Variants in TGS1 observed in about 807,000 individuals in gnomAD.
TGS1 encodes trimethylguanosine synthase 1.
In TGS1, 69 loss-of-function variants were observed where a neutral mutation model predicts 92.2. The observed-to-expected ratio is 0.75, with a 90% confidence interval of 0.62 to 0.91. The LOEUF (loss-of-function observed/expected upper bound fraction) is 0.91, where lower values mean the gene tolerates loss of function less well. TGS1 is among the 40% of genes least tolerant of loss of function. The pLI is 0.00. For synonymous variants in TGS1, 345 were observed against 338.1 expected, an observed-to-expected ratio of 1.02 and a Z score of -0.22; for missense variants, 1,062 against 1,001.2, an observed-to-expected ratio of 1.06 and a Z score of -0.82.
chr8:55,808,104 A>G (rs1803228834), intron 10 of TGS1, among the ~76,000 whole-genome samples: 1 of 152,202 alleles, frequency 6.6e-6, no homozygotes, highest in African/African-American at 2.4e-5. Context: ...CATTACATAG[A>G]TTTTTAAGGT....
At chr8:55,776,549 G>A (rs570650807) in intron 1 of TGS1, among the ~76,000 whole-genome samples, 1 of 152,302 alleles carries the variant, frequency 6.6e-6, no homozygotes, top group Admixed American at 6.5e-5. Flanking sequence ...AAAGTGCTGG[G>A]ATTACAGGCG....
rs561038084 is a variant in TGS1, at chr8:55,804,877, T to C, written c.2000-16T>C. ...TTGAAATTGAACATGCTAACACAAATACTCTTCCTTTGCAGAGGGCTGGTT... is the reference window on the plus strand; with the variant it reads ...TTGAAATTGAACATGCTAACACAAACACTCTTCCTTTGCAGAGGGCTGGTT... On this transcript the variant is annotated splice_polypyrimidine_tract_variant and intron_variant, in intron 9 of 12. Transcript: ENST00000260129. The C allele has an allele frequency of 1.9e-6, 3 of 1,612,196 alleles. No homozygotes were observed. Among genetic ancestry groups the C allele is most frequent in the Admixed American group, 3.3e-5 (2 of 59,974 alleles).
At chr8:55,802,961 GTT>G (rs143199988) in intron 9 of TGS1, among the ~76,000 whole-genome samples, 1 of 148,196 alleles carries the variant, frequency 6.7e-6, no homozygotes, top group Non-Finnish European at 1.5e-5. Flanking sequence ...CCTTTATCAC[GTT>G]TTTTTTTTCC....
chr8:55,787,902 A>G (rs1811765445), intron 4 of TGS1, among the ~76,000 whole-genome samples: 1 of 150,092 alleles, frequency 6.7e-6, no homozygotes, highest in Admixed American at 6.6e-5. Flanking sequence ...AGCAAGAGAG[A>G]GGGGGGAGGT....
chr8:55,814,001 G>A (rs996104847), intron 12 of TGS1, among the ~76,000 whole-genome samples: 7 of 152,126 alleles, frequency 4.6e-5, no homozygotes, highest in African/African-American at 1.4e-4. Context: ...AGGCTGGAGT[G>A]CAATGGCCCA....
rs377763518 is a variant in TGS1, at chr8:55,789,698, A to G, written c.1163-484A>G. On this transcript the variant is annotated intron_variant, in intron 4 of 12. Transcript: ENST00000260129. Reference sequence around the variant, plus strand: ...TTCAGAGCAACTCCAGGGCTGCCACATGATTGGGATAACATTTATGGACAG... The same window carrying G: ...TTCAGAGCAACTCCAGGGCTGCCACGTGATTGGGATAACATTTATGGACAG... Among the ~76,000 whole-genome samples the G allele has an allele frequency of 4.9e-4, 75 of 152,348 alleles. No individual in the cohort carries two copies. In the South Asian group the frequency reaches 0.014, roughly 28 times the overall value.
intron 12 of TGS1, among the ~76,000 whole-genome samples, chr8:55,823,885 C>A (rs548542805): frequency 6.6e-6 from 1 of 152,006 alleles, no homozygotes; most frequent in African/African-American, 2.4e-5. Flanking sequence ...GAGGCCGGGC[C>A]GAGCGGATCA....
At chr8:55,777,905 T>A (rs199888851) in intron 1 of TGS1, among the ~76,000 whole-genome samples, 104 of 129,522 alleles carry the variant, frequency 8.0e-4, no homozygotes, top group Non-Finnish European at 1.2e-3. Context: ...AATTTAAATT[T>A]TTTTTTTTTT....
At position 55,773,468 on chromosome 8, in the gene TGS1, C is replaced by G. The variant is rs1318250526; in HGVS notation, c.-151C>G. Reference sequence around the variant, plus strand: ...GCCACTTCCGGCGGCAGCGTCCGGGCTAGTTCCCGGCGCGAGCGGCCGCGG... The same window carrying G: ...GCCACTTCCGGCGGCAGCGTCCGGGGTAGTTCCCGGCGCGAGCGGCCGCGG... On this transcript the variant is annotated 5_prime_UTR_variant, in exon 1 of 13. Coordinates refer to ENST00000260129, the MANE Select transcript of TGS1 (RefSeq NM_024831.8). The G allele has an allele frequency of 3.2e-5, 18 of 557,174 alleles. No individual in the cohort carries two copies. Among genetic ancestry groups the G allele is most frequent in the Non-Finnish European group, 5.2e-5 (17 of 326,338 alleles). The allele number at this position is 557,174 out of a possible 1,614,324, so 34.5% of individuals were successfully genotyped here. A position where few individuals can be genotyped will look rare whatever the true frequency, so the allele number is the denominator to read the frequency against.
Position 55,786,966 on chromosome 8 carries a change from G to T in TGS1, c.1068G>T (p.Glu356Asp). The T allele has an allele frequency of 6.2e-7, 1 of 1,614,134 alleles. No homozygotes were observed. Among genetic ancestry groups the T allele is most frequent in the South Asian group, 1.1e-5 (1 of 91,074 alleles). Residue 356 changes from glutamate (E) to aspartate (D), a missense_variant, in exon 4 of 13, where the codon GAG becomes GAT. By Grantham distance (45) the Glu-to-Asp change is conservative. Coordinates refer to ENST00000260129, the MANE Select transcript of TGS1 (RefSeq NM_024831.8). ...TAAGTGAAGTTAGTAGCAAAAGAGA[G>T]TGCCCTGCTTCCGGCCAAAGTGAAC... ...QQLSEVSSKR[E>D]CPASGQSEPR...
chr8:55,786,390 G>A lies in TGS1; in HGVS notation c.492G>A (p.Glu164=), dbSNP rs764805551. The part of the protein sequence containing the change: ...SDDPSSIEQY[E]NTRTYELQSK... Reference sequence around the variant, plus strand: ...ATCCATCTTCAATTGAACAGTATGAGAACACCAGAACATATGAACTTCAAA... The same window carrying A: ...ATCCATCTTCAATTGAACAGTATGAAAACACCAGAACATATGAACTTCAAA... The change falls in exon 4 of 13, where the codon GAG becomes GAA. Residue 164 remains glutamate (E), a synonymous_variant. Coordinates refer to ENST00000260129, the MANE Select transcript of TGS1 (RefSeq NM_024831.8). 3 of 1,613,508 alleles carry A rather than the reference G, an allele frequency of 1.9e-6. No homozygotes were observed. The highest frequency in any genetic ancestry group is 1.7e-5 in the Admixed American group (1 of 59,918).
At chr8:55,822,059 C>T (rs892388465) in intron 12 of TGS1, among the ~76,000 whole-genome samples, 4 of 150,162 alleles carry the variant, frequency 2.7e-5, no homozygotes, top group Admixed American at 2.0e-4. Context: ...ACAATATTGG[C>T]TTTTTTTTCT....
intron 2 of TGS1, among the ~76,000 whole-genome samples, chr8:55,785,060 T>G (rs1250827718): frequency 6.7e-6 from 1 of 149,968 alleles, no homozygotes; most frequent in Non-Finnish European, 1.5e-5. Context: ...TGTTTTTTGT[T>G]TTTTGTTTTT....
chr8:55,774,668 C>G (rs919827625), intron 1 of TGS1, among the ~76,000 whole-genome samples: 2 of 151,950 alleles, frequency 1.3e-5, no homozygotes, highest in African/African-American at 4.8e-5. Flanking sequence ...GACATTCTGT[C>G]CTTACATGTA....
At position 55,796,112 on chromosome 8, in the gene TGS1, C is replaced by T; in HGVS notation, c.1502C>T (p.Ser501Leu). The stretch of plus-strand genomic sequence containing the variant: ...AAACACATCTTCTTTACCAAAGAGT[C>T]AGAAAAACCATTTTTCAAGAAAAGC... ...KNKHIFFTKE[S>L]EKPFFKKSKI... Residue 501 changes from serine to leucine, a missense_variant, in exon 7 of 13, where the codon TCA (serine) becomes TTA (leucine). Ser to Leu is a moderately radical substitution (Grantham distance 145, BLOSUM62 -2). Coordinates refer to ENST00000260129, the MANE Select transcript of TGS1 (RefSeq NM_024831.8). 6.2e-7 allele frequency: 1 copy of T among 1,612,332 alleles called. No homozygotes were observed. The highest frequency in any genetic ancestry group is 8.5e-7 in the Non-Finnish European group (1 of 1,179,234).
intron 7 of TGS1, among the ~76,000 whole-genome samples, chr8:55,797,297 G>A (rs368105411): frequency 1.3e-5 from 2 of 152,072 alleles, no homozygotes; most frequent in East Asian, 3.9e-4. Flanking sequence ...GATCTCATAA[G>A]AACTAACTCA....
At chr8:55,806,019 A>G (rs922345176) in intron 10 of TGS1, among the ~76,000 whole-genome samples, 12 of 151,418 alleles carry the variant, frequency 7.9e-5, no homozygotes, top group South Asian at 2.1e-4. Flanking sequence ...TGATTGCACC[A>G]CTGTGCTCTA....
intron 1 of TGS1, among the ~76,000 whole-genome samples, chr8:55,779,858 A>G (rs1229876362): frequency 6.6e-6 from 1 of 151,218 alleles, no homozygotes; most frequent in African/African-American, 2.4e-5. Flanking sequence ...ATAATTTCAT[A>G]TGTATTCTTT....
intron 12 of TGS1, among the ~76,000 whole-genome samples, chr8:55,820,438 TGAGGCAGGAGAATCGCTTGAACCCAG>T (rs1803602813): frequency 6.6e-6 from 1 of 152,038 alleles, no homozygotes; most frequent in Non-Finnish European, 1.5e-5. Flanking sequence ...CTCGGCAGGC[TGAGGCAGGAGAATCGCTTGAACCCAG>T]GAGGCAGAGG....
Sources: gnomAD v4.1 joint callset for allele counts (sites outside exome capture counted in the v4.1 genomes callset) on GRCh38, gnomAD v4.1.1 for gene constraint, MANE v1.5 for transcripts, NCBI Gene and HGNC (gene_info 2026-07-23, HGNC 2026-07-21) for gene names.